The following GAS2 variants were observed in gnomAD, a reference collection of about 807,000 sequenced individuals.
The protein encoded by GAS2 is growth arrest specific 2.
GAS2 carries 20 observed loss-of-function variants against 37.5 expected under a neutral mutation model. The ratio of observed to expected loss-of-function variants is 0.53; its 90% CI spans 0.37 to 0.77. GAS2 has a LOEUF of 0.77. GAS2 is among the 30% of genes least tolerant of loss of function. GAS2 has a pLI of 0.00. For synonymous variants in GAS2, 144 were observed against 132.2 expected (o/e 1.09, Z -0.61); for missense variants, 336 against 373.4 (o/e 0.90, Z 0.82).
chr11:22,757,684 C>A (rs1854125469), intron 7 of GAS2, among the ~76,000 whole-genome samples: 1 of 152,168 alleles, frequency 6.6e-6, no homozygotes, highest in South Asian at 2.1e-4. Context: ...ATTTTTATAA[C>A]ATTTCCCTTT....
At chr11:22,766,255 T>TTC (rs397825248) in intron 7 of GAS2, among the ~76,000 whole-genome samples, 185 of 152,070 alleles carry the variant, frequency 1.2e-3, no homozygotes, top group Non-Finnish European at 2.3e-3. Context: ...TTTTTTTTTT[T>TTC]CAACCCTCAC....
intron 3 of GAS2, among the ~76,000 whole-genome samples, chr11:22,699,605 A>G (rs527847837): frequency 9.2e-5 from 14 of 152,268 alleles, no homozygotes; most frequent in African/African-American, 3.4e-4. Context: ...TAGAGAGGGC[A>G]GCTGAACAGA....
chr11:22,717,114 A>G (rs1851717465), intron 3 of GAS2, among the ~76,000 whole-genome samples: 1 of 144,222 alleles, frequency 6.9e-6, no homozygotes, highest in Non-Finnish European at 1.5e-5. Flanking sequence ...ATCAAAATAC[A>G]ATCATCATTC....
chr11:22,640,338 G>A (rs906154088), intron 1 of GAS2, among the ~76,000 whole-genome samples: 16 of 152,174 alleles, frequency 1.1e-4, no homozygotes, highest in Non-Finnish European at 2.4e-4. Flanking sequence ...TGAAATTTGT[G>A]ATATGGAAAA....
intron 1 of GAS2, 34 bp downstream of exon 1, chr11:22,666,933 A>T (rs2133853425): frequency 6.6e-6 from 1 of 152,236 alleles, no homozygotes; most frequent in East Asian, 1.9e-4. Flanking sequence ...TTCTGCGCCA[A>T]CGCCGCCGCA....
At chr11:22,732,087 T>C (rs1049790652) in intron 4 of GAS2, among the ~76,000 whole-genome samples, 1 of 151,736 alleles carries the variant, frequency 6.6e-6, no homozygotes, top group Non-Finnish European at 1.5e-5. Flanking sequence ...TTCAGCTCCA[T>C]TCACCTTCAG....
chr11:22,691,198 A>G (rs758851690), intron 3 of GAS2, among the ~76,000 whole-genome samples: 2 of 152,148 alleles, frequency 1.3e-5, no homozygotes, highest in South Asian at 2.1e-4. Flanking sequence ...AACCGTCTAA[A>G]TGTAGAATCC....
chr11:22,745,981 C>T (rs1338454700), intron 5 of GAS2, among the ~76,000 whole-genome samples: 1 of 152,014 alleles, frequency 6.6e-6, no homozygotes, highest in African/African-American at 2.4e-5. Flanking sequence ...AGCTCCACCT[C>T]TATAAAAAAT....
chr11:22,781,049 T>C (rs974132197), intron 7 of GAS2, among the ~76,000 whole-genome samples: 2 of 152,098 alleles, frequency 1.3e-5, no homozygotes, highest in Non-Finnish European at 2.9e-5. Flanking sequence ...ACTAGATAGA[T>C]TAAGAGGTGA....
chr11:22,637,444 ATATAATATTAATTATATTAAT>A (rs1858847427), intron 1 of GAS2, among the ~76,000 whole-genome samples: 1 of 32,192 alleles, frequency 3.1e-5, no homozygotes, highest in Non-Finnish European at 4.8e-5. Flanking sequence ...AGTATACTTA[ATATAATATTAATTATATTAAT>A]AGTATACTTA....
At chr11:22,629,123 GATAAAC>G (rs1858710292) in intron 1 of GAS2, among the ~76,000 whole-genome samples, 1 of 152,080 alleles carries the variant, frequency 6.6e-6, no homozygotes, top group African/African-American at 2.4e-5. Flanking sequence ...ATTATGCTGT[GATAAAC>G]ATATACATGC....
chr11:22,652,967 C>G (rs1306907821), intron 1 of GAS2, among the ~76,000 whole-genome samples: 1 of 150,868 alleles, frequency 6.6e-6, no homozygotes, highest in Non-Finnish European at 1.5e-5. Flanking sequence ...CTTTCTTTGT[C>G]TTTCTTTCTT....
chr11:22,806,341 T>C (rs973963112), intron 7 of GAS2, among the ~76,000 whole-genome samples: 3 of 152,194 alleles, frequency 2.0e-5, no homozygotes, highest in Non-Finnish European at 4.4e-5. Context: ...CTCTGCCCAT[T>C]CATCCATTAA....
At chr11:22,679,105 AC>A (rs1849562255) in intron 2 of GAS2, among the ~76,000 whole-genome samples, 1 of 152,078 alleles carries the variant, frequency 6.6e-6, no homozygotes, top group Non-Finnish European at 1.5e-5. Context: ...TGTAATATTC[AC>A]TGACTATTTA....
chr11:22,755,983 T>A (rs1411883657), intron 7 of GAS2, 30 bp downstream of exon 7: 2 of 1,463,628 alleles, frequency 1.4e-6, no homozygotes, highest in Non-Finnish European at 1.9e-6. Context: ...TTATCTTGTT[T>A]TTATGGGAAG....
At chr11:22,760,418 G>A (rs1476250899) in intron 7 of GAS2, among the ~76,000 whole-genome samples, 1 of 152,190 alleles carries the variant, frequency 6.6e-6, no homozygotes, top group Admixed American at 6.5e-5. Flanking sequence ...CCAGCCTCCT[G>A]TGTTTTAATA....
chr11:22,731,240 G>GA, intron 4 of GAS2: 3 of 356,898 alleles, frequency 8.4e-6, no homozygotes, highest in South Asian at 2.3e-5. Flanking sequence ...GGGAGATGGC[G>GA]AAAAAAGGGA....
intron 3 of GAS2, among the ~76,000 whole-genome samples, chr11:22,724,396 ATATACT>A (rs1407655201): frequency 5.3e-5 from 8 of 152,144 alleles, no homozygotes; most frequent in African/African-American, 1.7e-4. Context: ...GTTGCAACAA[ATATACT>A]TGTACATATA....
intron 3 of GAS2, among the ~76,000 whole-genome samples, chr11:22,692,339 C>G (rs1336338533): frequency 6.6e-6 from 1 of 152,106 alleles, no homozygotes; most frequent in African/African-American, 2.4e-5. Context: ...TTTATTTTGC[C>G]AAGACTGAGG....
Sources: allele counts gnomAD v4.1 joint callset (sites outside exome capture counted in the v4.1 genomes callset), GRCh38; gene constraint gnomAD v4.1.1; transcripts MANE v1.5; gene names NCBI Gene and HGNC (gene_info 2026-07-23, HGNC 2026-07-21).